CNTN1: variants seen among roughly 807,000 people sequenced by gnomAD.
CNTN1 encodes contactin-1.
CNTN1 carries 38 observed loss-of-function variants against 126.4 expected under a neutral mutation model. That is an observed-to-expected ratio of 0.30 (90% CI 0.23 to 0.39). The LOEUF is 0.39. Ranked by LOEUF, CNTN1 falls within the 10% of genes least tolerant of loss-of-function variation. CNTN1 has a pLI of 1.00. For missense variants in CNTN1, 1,009 were observed against 1,248.4 expected, an observed-to-expected ratio of 0.81 and a Z score of 2.89; for synonymous variants, 413 against 422.6, an observed-to-expected ratio of 0.98 and a Z score of 0.28.
Position 40,695,602 on chromosome 12 carries a change from A to C in CNTN1, c.-77+3010A>C, listed in dbSNP as rs1256497539. ...TGGTCTCTATCATATCCCACAACTTATTCTAACTCACCAGTAAGCTCCTCC... is the reference window on the plus strand; with the variant it reads ...TGGTCTCTATCATATCCCACAACTTCTTCTAACTCACCAGTAAGCTCCTCC... On this transcript the variant is annotated intron_variant, in intron 1 of 23. Transcript: ENST00000551295. Among the ~76,000 whole-genome samples the C allele has an allele frequency of 2.6e-5, 4 of 152,118 alleles. No individual in the cohort carries two copies. In the East Asian group the frequency reaches 7.7e-4, roughly 29 times the overall value.
chr12:40,934,040 C>G (rs1285812689), intron 9 of CNTN1, among the ~76,000 whole-genome samples, 162 bp downstream of exon 9: 1 of 151,918 alleles, frequency 6.6e-6, no homozygotes, highest in African/African-American at 2.4e-5. Flanking sequence ...CTAATGAAGT[C>G]ACAACTATGA....
chr12:41,004,835 A>C (rs533628897), intron 17 of CNTN1, among the ~76,000 whole-genome samples: 2 of 152,250 alleles, frequency 1.3e-5, no homozygotes, highest in East Asian at 3.9e-4. Context: ...ATTGCATGTG[A>C]GATGGATCTC....
chr12:40,707,830 T>C (rs1373788621), intron 1 of CNTN1, among the ~76,000 whole-genome samples: 1 of 152,232 alleles, frequency 6.6e-6, no homozygotes, highest in East Asian at 1.9e-4. Flanking sequence ...GTTTCTATAT[T>C]GCTAATTTTA....
intron 1 of CNTN1, among the ~76,000 whole-genome samples, chr12:40,795,215 C>G (rs1399161643): frequency 6.6e-6 from 1 of 151,514 alleles, no homozygotes; most frequent in Non-Finnish European, 1.5e-5. Flanking sequence ...GCCAACCCTA[C>G]ACCCACATCC....
Position 40,733,324 on chromosome 12 carries a change from C to T in CNTN1, c.-77+40732C>T, listed in dbSNP as rs553134713. On this transcript the variant is annotated intron_variant, in intron 1 of 23. Transcript: ENST00000551295. ...CAAACAAATAGCTTAAAAATGATGGCTGAAATACGCATTCTAGATGTGGAT... is the reference window on the plus strand; with the variant it reads ...CAAACAAATAGCTTAAAAATGATGGTTGAAATACGCATTCTAGATGTGGAT... 4.0e-5 allele frequency among the ~76,000 whole-genome samples: 6 copies of T among 151,830 alleles called. No homozygotes were observed. In the South Asian group the frequency reaches 1.2e-3, roughly 32 times the overall value.
intron 22 of CNTN1, 87 bp downstream of exon 22, chr12:41,028,056 G>A (rs769691760): frequency 1.0e-6 from 1 of 972,232 alleles, no homozygotes; most frequent in Non-Finnish European, 1.6e-6. Flanking sequence ...TTTTGAGATG[G>A]AATTTTGCTC....
At chr12:40,716,249 T>C (rs1279044394) in intron 1 of CNTN1, among the ~76,000 whole-genome samples, 1 of 151,504 alleles carries the variant, frequency 6.6e-6, no homozygotes, top group Non-Finnish European at 1.5e-5. Flanking sequence ...TCTCTCTCCT[T>C]TTCTTCTTCC....
intron 1 of CNTN1, among the ~76,000 whole-genome samples, chr12:40,701,069 G>A (rs926151176): frequency 6.6e-6 from 1 of 152,178 alleles, no homozygotes; most frequent in Non-Finnish European, 1.5e-5. Context: ...CCAACCCCCA[G>A]TGCTCATGAT....
At chr12:40,888,475 C>A (rs555697196) in intron 1 of CNTN1, among the ~76,000 whole-genome samples, 1 of 152,038 alleles carries the variant, frequency 6.6e-6, no homozygotes, top group South Asian at 2.1e-4. Context: ...AAAAGTAGTA[C>A]TGGAAACATA....
Position 40,910,085 on chromosome 12 carries a change from A to G in CNTN1, c.74A>G (p.Tyr25Cys). 1 of 1,606,792 alleles carries G rather than the reference A, an allele frequency of 6.2e-7. No homozygotes were observed. Among genetic ancestry groups the G allele is most frequent in the Non-Finnish European group, 8.5e-7 (1 of 1,174,218 alleles). The change falls in exon 3 of 24, where the codon TAT becomes TGT. Residue 25 changes from tyrosine to cysteine, a missense_variant. Coordinates refer to ENST00000551295, the MANE Select transcript of CNTN1 (RefSeq NM_001843.4). Reference protein sequence around the residue: ...ITTCLAEFTWYRRYGHGVSEE... With the variant: ...ITTCLAEFTWCRRYGHGVSEE... Reference sequence around the variant, plus strand: ...CTTTCATTTTTAGAGTTTACATGGTATAGAAGATATGGTCATGGAGGTAAG... The same window carrying G: ...CTTTCATTTTTAGAGTTTACATGGTGTAGAAGATATGGTCATGGAGGTAAG...
chr12:40,801,648 G>A (rs1026977965), intron 1 of CNTN1, among the ~76,000 whole-genome samples: 3 of 151,826 alleles, frequency 2.0e-5, no homozygotes, highest in Non-Finnish European at 4.4e-5. Flanking sequence ...TTGCCAGTGT[G>A]GCTGGAATGT....
At chr12:40,758,942 T>C (rs1938724993) in intron 1 of CNTN1, among the ~76,000 whole-genome samples, 1 of 152,078 alleles carries the variant, frequency 6.6e-6, no homozygotes, top group Non-Finnish European at 1.5e-5. Flanking sequence ...TTCACTCTTG[T>C]TGCCCAGGCT....
chr12:40,760,949 CTGAATT>C (rs1340306229), intron 1 of CNTN1, among the ~76,000 whole-genome samples: 3 of 151,968 alleles, frequency 2.0e-5, no homozygotes, highest in African/African-American at 7.2e-5. Flanking sequence ...CTCCAGAACA[CTGAATT>C]GTTCCCTTGG....
At chr12:40,980,137 AT>A (rs764652888) in intron 15 of CNTN1, among the ~76,000 whole-genome samples, 2 of 152,192 alleles carry the variant, frequency 1.3e-5, no homozygotes, top group Non-Finnish European at 2.9e-5. Flanking sequence ...ATTTAGAGTT[AT>A]AAGAAAGTAT....
intron 3 of CNTN1, among the ~76,000 whole-genome samples, chr12:40,912,274 A>T (rs923318645): frequency 2.6e-5 from 4 of 152,048 alleles, no homozygotes; most frequent in Non-Finnish European, 4.4e-5. Flanking sequence ...GAGATAAGAG[A>T]GCAAATATGA....
At chr12:40,923,895 A>C (rs1365141397) in intron 5 of CNTN1, among the ~76,000 whole-genome samples, 1 of 152,210 alleles carries the variant, frequency 6.6e-6, no homozygotes, top group African/African-American at 2.4e-5. Context: ...TGCCGATCAC[A>C]GGTTAGGAAC....
intron 6 of CNTN1, among the ~76,000 whole-genome samples, chr12:40,926,435 G>A (rs1014866457): frequency 4.6e-5 from 7 of 152,094 alleles, no homozygotes; most frequent in African/African-American, 1.7e-4. Context: ...ATAAGGCAGA[G>A]GGTAGTAAGA....
chr12:40,844,583 C>A (rs2136595108), intron 1 of CNTN1, among the ~76,000 whole-genome samples: 1 of 152,134 alleles, frequency 6.6e-6, no homozygotes, highest in East Asian at 1.9e-4. Context: ...TTTAGAATTT[C>A]CCTCTCTAAT....
chr12:40,862,880 A>T (rs1198767392), intron 1 of CNTN1, among the ~76,000 whole-genome samples: 1 of 152,194 alleles, frequency 6.6e-6, no homozygotes. Flanking sequence ...TCCCCATTTC[A>T]TCCTAACTGT....
Sources: allele counts gnomAD v4.1 joint callset (sites outside exome capture counted in the v4.1 genomes callset), GRCh38; gene constraint gnomAD v4.1.1; transcripts MANE v1.5; gene names NCBI Gene and HGNC (gene_info 2026-07-23, HGNC 2026-07-21).